USP3: variants seen among roughly 807,000 people sequenced by gnomAD.
USP3 encodes ubiquitin specific peptidase 3, also known as ubiquitin carboxyl-terminal hydrolase 3.
In USP3, 20 loss-of-function variants were observed where a neutral mutation model predicts 72.3. The observed-to-expected ratio is 0.28, with a 90% CI of 0.19 to 0.40. USP3 has a LOEUF of 0.40. Among genes scored for constraint, USP3 ranks in the 10% least tolerant of loss-of-function variants. USP3 has a pLI of 1.00. For missense variants in USP3, 479 were observed against 633.9 expected (o/e 0.76, Z 2.62); for synonymous variants, 222 against 225.3 (o/e 0.99, Z 0.13).
chr15:63,587,325 A>T lies in USP3; in HGVS notation c.1097-980A>T, dbSNP rs142216651. The stretch of plus-strand genomic sequence containing the variant: ...AAGTGTGGGGTCCATAGGCATTCAT[A>T]TTTTTTCTACAGAATAACGTGTATT... On this transcript the variant is annotated intron_variant, in intron 11 of 14. Coordinates refer to ENST00000380324, the MANE Select transcript of USP3 (RefSeq NM_006537.4). 6.8e-3 allele frequency among the ~76,000 whole-genome samples: 1,029 copies of T among 151,990 alleles called. 14 individuals are homozygous for T. Among genetic ancestry groups the T allele is most frequent in the African/African-American group, 0.024 (989 of 41,444 alleles).
intron 3 of USP3, among the ~76,000 whole-genome samples, chr15:63,548,685 C>A (rs1359968548): frequency 3.9e-5 from 6 of 151,940 alleles, no homozygotes. Context: ...CCCAGGCTGG[C>A]CTAAAATTGA....
At chr15:63,558,834 C>T (rs1197808790) in intron 6 of USP3, among the ~76,000 whole-genome samples, 1 of 152,056 alleles carries the variant, frequency 6.6e-6, no homozygotes, top group Non-Finnish European at 1.5e-5. Flanking sequence ...AAGATGGCGC[C>T]ACTACACTCC....
chr15:63,545,970 C>CAAAAAAAAAAAAA (rs60122671), intron 3 of USP3, among the ~76,000 whole-genome samples: 1 of 68,856 alleles, frequency 1.5e-5, no homozygotes, highest in African/African-American at 5.9e-5. Flanking sequence ...GACCTTGTCT[C>CAAAAAAAAAAAAA]AAAAAAAAAA....
chr15:63,550,214 T>A (rs2066416867), intron 3 of USP3, among the ~76,000 whole-genome samples: 1 of 152,182 alleles, frequency 6.6e-6, no homozygotes, highest in Admixed American at 6.5e-5. Flanking sequence ...GAGAGAGGGT[T>A]TCACCATGTT....
At position 63,529,135 on chromosome 15, in the gene USP3, A is replaced by G; in HGVS notation, c.92-3512A>G. On this transcript the variant is annotated intron_variant, in intron 1 of 14. Transcript: ENST00000380324. This position sits in a 1 kb window ranked among gnomAD's most constrained non-coding sequence, Gnocchi z 4.2. ...TGCCTCAGCCTCCCAAGTAGCTGGG[A>G]CTACAGATGCAATCACCACCACACT... 1 of 1,070,508 alleles carries G rather than the reference A, an allele frequency of 9.3e-7. No homozygotes were observed. Among genetic ancestry groups the G allele is most frequent in the Non-Finnish European group, 1.3e-6 (1 of 790,262 alleles). 66.3% of individuals were successfully genotyped at this position (1,070,508 alleles called of 1,614,324 possible). A position where few individuals can be genotyped will look rare whatever the true frequency, so the allele number is the denominator to read the frequency against.
chr15:63,584,092 G>GTTTTTTTTTT (rs61574200), intron 11 of USP3, among the ~76,000 whole-genome samples: 5 of 85,580 alleles, frequency 5.8e-5, no homozygotes, highest in African/African-American at 9.1e-5. Flanking sequence ...CAACGGTTTT[G>GTTTTTTTTTT]TTTTTTTTTT....
At chr15:63,568,594 C>T (rs2152677078) in intron 8 of USP3, among the ~76,000 whole-genome samples, 1 of 152,190 alleles carries the variant, frequency 6.6e-6, no homozygotes, top group East Asian at 1.9e-4. Context: ...ACTACAGAGT[C>T]AATTCTGAAG....
chr15:63,588,734 G>A lies in USP3; in HGVS notation c.1248G>A (p.Trp416Ter). 1 of 1,614,054 alleles carries A rather than the reference G, an allele frequency of 6.2e-7. No individual in the cohort carries two copies. ...VLCLHLKRFH[W>*]TAYLRNKVDT... ...GCTTACATTTGAAAAGATTTCATTG[G>A]ACAGCATATTTAAGAAATAAAGTTG... is the stretch of plus-strand genomic sequence containing the variant. Residue 416 changes from tryptophan to a stop codon, truncating the protein, a stop_gained, in exon 13 of 15, where the codon TGG becomes TGA. Coordinates refer to ENST00000380324, the MANE Select transcript of USP3 (RefSeq NM_006537.4). LOFTEE classifies it high-confidence loss of function. This position sits in a 1 kb window ranked among gnomAD's most constrained non-coding sequence, Gnocchi z 4.6.
At chr15:63,507,167 G>T (rs2065724515) in intron 1 of USP3, among the ~76,000 whole-genome samples, 1 of 152,014 alleles carries the variant, frequency 6.6e-6, no homozygotes, top group Non-Finnish European at 1.5e-5. Flanking sequence ...ACTGGGTATT[G>T]AATCTGATTA....
chr15:63,552,045 G>T (rs2066444723), intron 3 of USP3, among the ~76,000 whole-genome samples: 1 of 152,146 alleles, frequency 6.6e-6, no homozygotes, highest in African/African-American at 2.4e-5. Context: ...CTTATTTGTG[G>T]CAGTTAGAGG....
intron 1 of USP3, among the ~76,000 whole-genome samples, chr15:63,526,565 T>G (rs567973153): frequency 6.6e-6 from 1 of 152,324 alleles, no homozygotes; most frequent in Non-Finnish European, 1.5e-5. Context: ...GTGTTGCACT[T>G]TAAAAATTGT....
chr15:63,559,176 T>G (rs1567115005), intron 6 of USP3, among the ~76,000 whole-genome samples: 1 of 152,262 alleles, frequency 6.6e-6, no homozygotes, highest in African/African-American at 2.4e-5. Flanking sequence ...TAGGCATAAA[T>G]GGGTTAATCA....
chr15:63,509,425 A>G (rs918268220), intron 1 of USP3, among the ~76,000 whole-genome samples: 2 of 152,198 alleles, frequency 1.3e-5, no homozygotes, highest in African/African-American at 2.4e-5. Context: ...TATTTTAGTC[A>G]GTAAACGTTG....
chr15:63,547,605 G>A (rs2066348915), intron 3 of USP3, among the ~76,000 whole-genome samples: 2 of 151,808 alleles, frequency 1.3e-5, no homozygotes, highest in African/African-American at 4.8e-5. Context: ...TCGCTCATGC[G>A]TGTAGTCACA....
rs943312359 is a variant in USP3, at chr15:63,529,823, C to T, written c.92-2824C>T. ...AAATCCTCCATAATTAAAAAAATAT[C>T]CTGGGTAGTTAAAAACTTGGGCCTA... On this transcript the variant is annotated intron_variant, in intron 1 of 14. Transcript: ENST00000380324. The surrounding 1 kb of genome is among the most constrained non-coding windows in gnomAD (Gnocchi z 4.2). Among the ~76,000 whole-genome samples the T allele has an allele frequency of 6.6e-6, 1 of 152,148 alleles. No individual in the cohort carries two copies. The highest frequency in any genetic ancestry group is 1.5e-5 in the Non-Finnish European group (1 of 68,036).
intron 1 of USP3, among the ~76,000 whole-genome samples, chr15:63,516,368 A>T (rs975622848): frequency 2.6e-5 from 4 of 152,070 alleles, no homozygotes; most frequent in Non-Finnish European, 5.9e-5. Context: ...TTGTTCTCTT[A>T]TAATATTAGA....
rs1212920539 is a variant in USP3, at chr15:63,592,952, TATATC to T, written c.*2129_*2133del. 2 of 152,168 alleles carry T rather than the reference TATATC, an allele frequency of 1.3e-5. No homozygotes were observed. The highest frequency in any genetic ancestry group is 2.9e-5 in the Non-Finnish European group (2 of 68,028). The allele number at this position is 152,168 out of a possible 1,614,324, so 9.4% of individuals were successfully genotyped here. A position where few individuals can be genotyped will look rare whatever the true frequency, so the allele number is the denominator to read the frequency against. The stretch of plus-strand genomic sequence containing the variant: ...AGCAAATTACAATTATGTGTAAACT[TATATC>T]ATCCAGTACAATGGCCCCTAGCCAC... On this transcript the variant is annotated 3_prime_UTR_variant, in exon 15 of 15. Coordinates refer to ENST00000380324, the MANE Select transcript of USP3 (RefSeq NM_006537.4).
At chr15:63,576,674 G>A (rs534418298) in intron 11 of USP3, among the ~76,000 whole-genome samples, 32 of 152,136 alleles carry the variant, frequency 2.1e-4, no homozygotes, top group Non-Finnish European at 4.3e-4. Context: ...GCTTCAGGGG[G>A]CCCAGACCAT....
chr15:63,576,153 A>G (rs762451800), intron 11 of USP3, among the ~76,000 whole-genome samples: 7 of 152,040 alleles, frequency 4.6e-5, no homozygotes, highest in Non-Finnish European at 1.0e-4. Flanking sequence ...CACCTGGCTA[A>G]TTTTTGTATT....
Sources: gnomAD v4.1 joint callset for allele counts (sites outside exome capture counted in the v4.1 genomes callset) on GRCh38, gnomAD v4.1.1 for gene constraint, Gnocchi (gnomAD v3.1) non-coding constraint, MANE v1.5 for transcripts, NCBI Gene and HGNC (gene_info 2026-07-23, HGNC 2026-07-21) for gene names.